ATAD2B: variants seen among roughly 807,000 people sequenced by gnomAD.
ATAD2B encodes the protein ATPase family AAA domain containing 2B.
Under a neutral mutation model 167.6 loss-of-function variants are expected in ATAD2B, and 40 were observed. The ratio of observed to expected loss-of-function variants is 0.24; its 90% confidence interval spans 0.19 to 0.31. The LOEUF is 0.31. Among genes scored for constraint, ATAD2B ranks in the 10% least tolerant of loss-of-function variants. The pLI is 1.00. For synonymous variants in ATAD2B, 579 were observed against 596.5 expected (o/e 0.97, Z 0.43); for missense variants, 1,242 against 1,757.2 (o/e 0.71, Z 5.24).
chr2:23,738,513 ACCACCAGC>A, the ATAD2B span, among the ~76,000 whole-genome samples: 1 of 152,188 alleles, frequency 6.6e-6, no homozygotes. Context: ...AGATTTTGTC[ACCACCAGC>A]CCTGCCCTAA....
chr2:23,828,985 A>C, intron 14 of ATAD2B, 46 bp from the exon 15 acceptor site: 1 of 1,273,694 alleles, frequency 7.9e-7, no homozygotes, highest in Non-Finnish European at 1.1e-6. Flanking sequence ...CAAGAAGAAA[A>C]GTACAGATAA....
rs112915080 is a variant in ATAD2B at position 23,885,636 on chromosome 2, T to C, written c.675+91A>G. ...GAAGACGAAGGAACACTCATGCTAA[T>C]TCAAAAACATCCAACTGTTGCATTC... On this transcript the variant is annotated intron_variant, in intron 5 of 27. Transcript: ENST00000238789. The C allele has an allele frequency of 6.1e-4, 429 of 698,412 alleles. 2 individuals are homozygous for C. In the African/African-American group the frequency reaches 6.9e-3, roughly 11 times the overall value. The allele number at this position is 698,412 out of a possible 1,614,324, so 43.3% of individuals were successfully genotyped here.
chr2:23,741,864 A>G, the ATAD2B span, among the ~76,000 whole-genome samples: 1 of 152,182 alleles, frequency 6.6e-6, no homozygotes, highest in African/African-American at 2.4e-5. Flanking sequence ...CAAGAAAAAA[A>G]CAAACAACCT....
intron 11 of ATAD2B, 73 bp from the exon 12 acceptor site, chr2:23,863,628 C>A: frequency 7.7e-7 from 1 of 1,290,762 alleles, no homozygotes. Flanking sequence ...TAAAAAATGT[C>A]CCCCCCTTCC....
At chr2:23,704,693 G>A in the ATAD2B span, among the ~76,000 whole-genome samples, 1 of 152,176 alleles carries the variant, frequency 6.6e-6, no homozygotes, top group African/African-American at 2.4e-5. Context: ...CTTGAACCCG[G>A]GAGGCGGAGG....
chr2:23,725,399 A>T, the ATAD2B span, among the ~76,000 whole-genome samples: 8 of 152,238 alleles, frequency 5.3e-5, no homozygotes, highest in African/African-American at 1.7e-4. Context: ...CTGTGTAAAT[A>T]TAACAGATTA....
chr2:23,840,577 T>C (rs62125902), intron 13 of ATAD2B, among the ~76,000 whole-genome samples: 3,620 of 152,336 alleles, frequency 0.024, 54 homozygotes, highest in Non-Finnish European at 0.03. Context: ...TTTTCTGTTT[T>C]GTATATTACC....
intron 2 of ATAD2B, among the ~76,000 whole-genome samples, chr2:23,892,096 A>G (rs1028376783): frequency 6.6e-6 from 1 of 152,132 alleles, no homozygotes; most frequent in Non-Finnish European, 1.5e-5. Flanking sequence ...GCCTCACCTC[A>G]CTACTTCCTC....
intron 1 of ATAD2B, among the ~76,000 whole-genome samples, chr2:23,906,649 G>A (rs1010574295): frequency 5.9e-5 from 9 of 152,094 alleles, no homozygotes; most frequent in East Asian, 1.9e-4. Context: ...CCAAAGCCAG[G>A]CAGAGACACA....
the ATAD2B span, among the ~76,000 whole-genome samples, chr2:23,715,211 A>G: frequency 6.6e-6 from 1 of 152,228 alleles, no homozygotes; most frequent in Non-Finnish European, 1.5e-5. Context: ...GCAAAGAATA[A>G]TCAGTCATTT....
chr2:23,869,731 G>A lies in ATAD2B; in HGVS notation c.1008C>T (p.Asp336=), dbSNP rs1160041871. The change falls in exon 9 of 28, where the codon GAC becomes GAT. Residue 336 remains aspartate, a synonymous_variant. Transcript: ENST00000238789. Reference sequence around the variant, plus strand: ...AGCGTTCCTCATCAGAAGAAGTTGTGTCACTACTATGAATGGCATGCTTCT... The same window carrying A: ...AGCGTTCCTCATCAGAAGAAGTTGTATCACTACTATGAATGGCATGCTTCT... The part of the protein sequence containing the change: ...RRKKHAIHSS[D]TTSSDEERFE... 6.4e-7 allele frequency: 1 copy of A among 1,567,186 alleles called. No individual in the cohort carries two copies. Among genetic ancestry groups the A allele is most frequent in the South Asian group, 1.2e-5 (1 of 85,426 alleles).
At chr2:23,919,892 T>G (rs925466729) in intron 1 of ATAD2B, among the ~76,000 whole-genome samples, 3 of 150,702 alleles carry the variant, frequency 2.0e-5, no homozygotes, top group Non-Finnish European at 4.4e-5. Context: ...GGCTCACACC[T>G]GTAATCCCAG....
At chr2:23,706,522 T>C in the ATAD2B span, 8 of 1,535,484 alleles carry the variant, frequency 5.2e-6, no homozygotes, top group South Asian at 1.2e-5. Context: ...ACTGGAGGTA[T>C]TGTCAGCAGT....
intron 22 of ATAD2B, among the ~76,000 whole-genome samples, chr2:23,781,097 G>A (rs72780185): frequency 0.12 from 18,188 of 150,258 alleles, 1,169 homozygotes; most frequent in Middle Eastern, 0.22. Flanking sequence ...GCTAGGCCTC[G>A]GCGTACTACA....
At chr2:23,701,634 GCC>G in the ATAD2B span, among the ~76,000 whole-genome samples, 2 of 151,232 alleles carry the variant, frequency 1.3e-5, no homozygotes, top group African/African-American at 4.9e-5. Flanking sequence ...AATTGTTTAA[GCC>G]CAGAAGATCA....
At chr2:23,767,327 A>G (rs1342472701) in intron 22 of ATAD2B, among the ~76,000 whole-genome samples, 2 of 152,180 alleles carry the variant, frequency 1.3e-5, no homozygotes, top group Non-Finnish European at 2.9e-5. Flanking sequence ...CCAACAGGAG[A>G]AGGACACAGC....
intron 8 of ATAD2B, among the ~76,000 whole-genome samples, chr2:23,874,580 G>A (rs1475498747): frequency 6.6e-6 from 1 of 151,914 alleles, no homozygotes; most frequent in Non-Finnish European, 1.5e-5. Context: ...CCGTGTGCCT[G>A]TAGTCCCAGC....
chr2:23,910,879 T>C (rs955888922), intron 1 of ATAD2B, among the ~76,000 whole-genome samples: 12 of 138,426 alleles, frequency 8.7e-5, no homozygotes, highest in African/African-American at 3.0e-4. Flanking sequence ...AAAAAATATA[T>C]AGGGTAAGAA....
At chr2:23,863,683 T>C (rs1334710031) in intron 11 of ATAD2B, 128 bp from the exon 12 acceptor site, 1 of 879,526 alleles carries the variant, frequency 1.1e-6, no homozygotes, top group African/African-American at 1.7e-5. Flanking sequence ...TTGATAAAGC[T>C]TTTTCCAGGA....
Sources: gnomAD v4.1 joint callset for allele counts (sites outside exome capture counted in the v4.1 genomes callset) on GRCh38, gnomAD v4.1.1 for gene constraint, MANE v1.5 for transcripts, NCBI Gene and HGNC (gene_info 2026-07-23, HGNC 2026-07-21) for gene names.